Variants in GPC5 observed in about 807,000 individuals in gnomAD.
GPC5 encodes the protein glypican 5.
A neutral mutation model predicts 53.9 loss-of-function variants in GPC5; 47 were observed. The ratio of observed to expected loss-of-function variants is 0.87; its 90% CI spans 0.69 to 1.11. GPC5 has a LOEUF of 1.11. Ranked by LOEUF, GPC5 falls within the 50% of genes most tolerant of loss-of-function variation. The pLI, the probability that GPC5 is intolerant of heterozygous loss-of-function variation, is 0.00. For synonymous variants in GPC5, 286 were observed against 263.3 expected (o/e 1.09, Z -0.84); for missense variants, 748 against 713.1 (o/e 1.05, Z -0.56).
intron 2 of GPC5, among the ~76,000 whole-genome samples, chr13:91,640,439 C>A (rs974562993): frequency 1.3e-5 from 2 of 152,184 alleles, no homozygotes; most frequent in African/African-American, 4.8e-5. Context: ...TACCATCTCA[C>A]GCCAGTCAGA....
chr13:92,547,819 CTTTTTTT>C (rs567478017), intron 7 of GPC5, among the ~76,000 whole-genome samples: 9 of 100,438 alleles, frequency 9.0e-5, no homozygotes, highest in Admixed American at 2.6e-4. Context: ...GCCTATTATT[CTTTTTTT>C]TTTTTTTTTT....
chr13:92,022,908 G>A (rs2040770545), intron 6 of GPC5, among the ~76,000 whole-genome samples: 1 of 151,830 alleles, frequency 6.6e-6, no homozygotes, highest in South Asian at 2.1e-4. Flanking sequence ...TAAGAAAGAG[G>A]AATGCTCTGT....
chr13:92,099,844 G>A (rs1274738606), intron 6 of GPC5, among the ~76,000 whole-genome samples: 4 of 152,138 alleles, frequency 2.6e-5, no homozygotes, highest in African/African-American at 9.7e-5. Context: ...GATATTGTAG[G>A]TGTGATTAAG....
At chr13:91,501,876 T>C (rs1017551443) in intron 2 of GPC5, among the ~76,000 whole-genome samples, 2 of 152,208 alleles carry the variant, frequency 1.3e-5, no homozygotes, top group South Asian at 2.1e-4. Context: ...TGTAAAAGTG[T>C]TCCTATTTCT....
At chr13:92,613,934 A>G (rs776450773) in intron 7 of GPC5, among the ~76,000 whole-genome samples, 4 of 151,972 alleles carry the variant, frequency 2.6e-5, no homozygotes, top group African/African-American at 7.2e-5. Context: ...ATGTGAGAAT[A>G]TATGTCAGAT....
chr13:91,869,215 A>C (rs1285615419), intron 5 of GPC5, among the ~76,000 whole-genome samples: 1 of 151,960 alleles, frequency 6.6e-6, no homozygotes, highest in Non-Finnish European at 1.5e-5. Flanking sequence ...ACCTGCCACC[A>C]CGACTGGCTA....
At chr13:92,225,877 G>T (rs1276135251) in intron 7 of GPC5, among the ~76,000 whole-genome samples, 2 of 151,962 alleles carry the variant, frequency 1.3e-5, no homozygotes, top group Non-Finnish European at 2.9e-5. Context: ...TCAAGATCCT[G>T]AATAAAATTC....
intron 6 of GPC5, among the ~76,000 whole-genome samples, chr13:92,109,259 GT>G (rs1261974557): frequency 6.6e-6 from 1 of 151,666 alleles, no homozygotes; most frequent in African/African-American, 2.4e-5. Flanking sequence ...TGCAGATGGG[GT>G]TTTGCCATGT....
At chr13:91,791,232 C>G (rs1236549997) in intron 5 of GPC5, among the ~76,000 whole-genome samples, 1 of 152,098 alleles carries the variant, frequency 6.6e-6, no homozygotes, top group East Asian at 1.9e-4. Context: ...AGCCAAGGGC[C>G]CATCTGAGGA....
At chr13:91,691,056 T>C (rs912792069) in intron 2 of GPC5, among the ~76,000 whole-genome samples, 3 of 152,194 alleles carry the variant, frequency 2.0e-5, no homozygotes, top group Admixed American at 6.5e-5. Flanking sequence ...ACATACAGGC[T>C]TGGCAGTTTT....
At chr13:92,026,343 TA>T (rs774787598) in intron 6 of GPC5, among the ~76,000 whole-genome samples, 1 of 151,958 alleles carries the variant, frequency 6.6e-6, no homozygotes, top group Non-Finnish European at 1.5e-5. Context: ...CCAGACTGAC[TA>T]TTTTTTTAAA....
At chr13:92,407,852 A>C (rs1875860971) in intron 7 of GPC5, among the ~76,000 whole-genome samples, 1 of 152,216 alleles carries the variant, frequency 6.6e-6, no homozygotes, top group South Asian at 2.1e-4. Flanking sequence ...AACAAGATAA[A>C]GATAATAACT....
At chr13:92,726,858 A>G (rs1888662880) in intron 7 of GPC5, among the ~76,000 whole-genome samples, 1 of 151,584 alleles carries the variant, frequency 6.6e-6, no homozygotes, top group Admixed American at 6.6e-5. Context: ...TGAATGTACT[A>G]ACAAATCAAA....
intron 7 of GPC5, among the ~76,000 whole-genome samples, chr13:92,467,259 A>G (rs547716168): frequency 2.6e-5 from 4 of 152,246 alleles, no homozygotes; most frequent in South Asian, 2.1e-4. Context: ...TTTGAAGACG[A>G]TTAAAGAGAG....
chr13:92,588,539 T>C (rs763592927), intron 7 of GPC5, among the ~76,000 whole-genome samples: 1 of 152,230 alleles, frequency 6.6e-6, no homozygotes, highest in Non-Finnish European at 1.5e-5. Context: ...TAGCTCTCCC[T>C]ATCCAGATAG....
chr13:92,555,086 G>A (rs1395405670), intron 7 of GPC5, among the ~76,000 whole-genome samples: 1 of 151,194 alleles, frequency 6.6e-6, no homozygotes, highest in Non-Finnish European at 1.5e-5. Flanking sequence ...TTGCACAACT[G>A]TATTAATATA....
intron 2 of GPC5, among the ~76,000 whole-genome samples, chr13:91,641,171 C>CA (rs1594368449): frequency 6.6e-6 from 1 of 151,830 alleles, no homozygotes; most frequent in African/African-American, 2.4e-5. Context: ...ACTAAAAATA[C>CA]AAAAAAATTA....
chr13:92,020,118 A>C (rs1171622723), intron 6 of GPC5, among the ~76,000 whole-genome samples: 5 of 151,994 alleles, frequency 3.3e-5, no homozygotes, highest in Admixed American at 2.6e-4. Flanking sequence ...GCAACATTGC[A>C]TTTCTCTGAG....
chr13:91,973,467 C>T (rs1006853403), intron 6 of GPC5, among the ~76,000 whole-genome samples: 1 of 152,208 alleles, frequency 6.6e-6, no homozygotes, highest in African/African-American at 2.4e-5. Flanking sequence ...TCTCTCAACT[C>T]GTCAAAGTCA....
Sources: allele counts gnomAD v4.1 joint callset (sites outside exome capture counted in the v4.1 genomes callset), GRCh38; gene constraint gnomAD v4.1.1; transcripts MANE v1.5; gene names NCBI Gene and HGNC (gene_info 2026-07-23, HGNC 2026-07-21).